SAMD5: variants seen among roughly 807,000 people sequenced by gnomAD.
SAMD5 encodes sterile alpha motif domain containing 5.
A neutral mutation model predicts 11.3 loss-of-function variants in SAMD5; 13 were observed. The observed-to-expected ratio is 1.15, with a 90% confidence interval of 0.75 to 1.83. SAMD5 has a LOEUF of 1.83. Among genes scored for constraint, SAMD5 ranks in the 40% most tolerant of loss-of-function variants. The pLI, the probability that SAMD5 is intolerant of heterozygous loss-of-function variation, is 0.00. For synonymous variants in SAMD5, 129 were observed against 111.3 expected (o/e 1.16, Z -1.00); for missense variants, 255 against 239.1 (o/e 1.07, Z -0.44).
chr6:147,798,103 C>G, the SAMD5 span, among the ~76,000 whole-genome samples: 2 of 146,466 alleles, frequency 1.4e-5, no homozygotes, highest in African/African-American at 5.2e-5. Flanking sequence ...TTCTTGCCTT[C>G]TGCTAGCTTT....
chr6:147,556,776 A>G (rs1788864573), intron 1 of SAMD5, among the ~76,000 whole-genome samples: 1 of 152,252 alleles, frequency 6.6e-6, no homozygotes, highest in African/African-American at 2.4e-5. Context: ...ACTGATATAA[A>G]AACAAAAATA....
intron 1 of SAMD5, among the ~76,000 whole-genome samples, chr6:147,631,424 C>A: frequency 6.6e-6 from 1 of 152,072 alleles, no homozygotes; most frequent in South Asian, 2.1e-4. Flanking sequence ...GGAGGCTGAG[C>A]TTGGTGAGGT....
intron 1 of SAMD5, among the ~76,000 whole-genome samples, chr6:147,525,224 G>A (rs1355419546): frequency 6.7e-6 from 1 of 149,396 alleles, no homozygotes; most frequent in Non-Finnish European, 1.5e-5. Context: ...CAATCAGTAG[G>A]GTTTACATTG....
At chr6:147,737,752 A>G (rs77992238), downstream of SAMD5, among the ~76,000 whole-genome samples, 930 of 125,560 alleles carry the variant, frequency 7.4e-3, 11 homozygotes, top group African/African-American at 0.027. Context: ...TCTCCCAACC[A>G]GCCTCTCCCA....
chr6:147,719,007 C>G (rs2128459075), intron 1 of SAMD5, among the ~76,000 whole-genome samples: 1 of 152,286 alleles, frequency 6.6e-6, no homozygotes, highest in Non-Finnish European at 1.5e-5. Context: ...TCTCTTTTAA[C>G]AATGTAAATT....
In SAMD5 at chr6:147,620,092, G is replaced by GT. The variant is rs578165422; in HGVS notation, c.162+110705_162+110706insT. 6.8e-4 allele frequency among the ~76,000 whole-genome samples: 104 copies of GT among 152,326 alleles called. 1 individual carries two copies. The East Asian group carries it at 0.02, about 29-fold the overall frequency. On this transcript the variant is annotated intron_variant, in intron 1 of 1. Coordinates refer to the SAMD5 transcript ENST00000566741. Reference sequence around the variant, plus strand: ...AGCCACGTGTAGCCCTTGTGGGAATGAGCAATGACACTGTTCTTGGCATCA... The same window carrying GT: ...AGCCACGTGTAGCCCTTGTGGGAATGTAGCAATGACACTGTTCTTGGCATCA...
intron 1 of SAMD5, among the ~76,000 whole-genome samples, chr6:147,725,247 C>T (rs1253464566): frequency 1.3e-5 from 2 of 152,082 alleles, no homozygotes; most frequent in Non-Finnish European, 2.9e-5. Context: ...CTTGAAGGCC[C>T]AATGCAGACT....
At chr6:147,885,941 T>C in the SAMD5 span, among the ~76,000 whole-genome samples, 1 of 152,230 alleles carries the variant, frequency 6.6e-6, no homozygotes, top group African/African-American at 2.4e-5. Context: ...TTCTATATTA[T>C]ACAAATAGTT....
intron 1 of SAMD5, among the ~76,000 whole-genome samples, chr6:147,562,401 A>G (rs1788965431): frequency 6.6e-6 from 1 of 152,192 alleles, no homozygotes; most frequent in Non-Finnish European, 1.5e-5. Context: ...AGTGACCCCT[A>G]ACACTATAAC....
Position 147,564,988 on chromosome 6 carries a change from G to T in SAMD5, c.*532G>T. 1.2e-6 allele frequency: 1 copy of T among 856,760 alleles called. No individual in the cohort carries two copies. Among genetic ancestry groups the T allele is most frequent in the Non-Finnish European group, 1.4e-6 (1 of 713,838 alleles). The allele number at this position is 856,760 out of a possible 1,614,324, so 53.1% of individuals were successfully genotyped here. On this transcript the variant is annotated 3_prime_UTR_variant, in exon 2 of 2. Coordinates refer to ENST00000367474, the MANE Select transcript of SAMD5 (RefSeq NM_001030060.3). ...ACATAATTCTATGTAGAATAGTTTGGTGAAGGAATTCTTATTTTAAGGTGC... is the reference window on the plus strand; with the variant it reads ...ACATAATTCTATGTAGAATAGTTTGTTGAAGGAATTCTTATTTTAAGGTGC...
chr6:147,927,525 C>T, the SAMD5 span, among the ~76,000 whole-genome samples: 1 of 152,170 alleles, frequency 6.6e-6, no homozygotes, highest in Non-Finnish European at 1.5e-5. Flanking sequence ...TATACTGAAA[C>T]TCTGCTGAAA....
chr6:147,855,606 G>T, the SAMD5 span, among the ~76,000 whole-genome samples: 1 of 152,120 alleles, frequency 6.6e-6, no homozygotes, highest in African/African-American at 2.4e-5. Context: ...TTCAAAGTTT[G>T]TTCCAACTCT....
chr6:147,662,724 G>A (rs1015619676), intron 1 of SAMD5, among the ~76,000 whole-genome samples: 10 of 152,116 alleles, frequency 6.6e-5, no homozygotes, highest in African/African-American at 2.4e-4. Flanking sequence ...TCCTAGAACA[G>A]TAATTCCAGA....
At chr6:147,664,652 G>A (rs6933566) in intron 1 of SAMD5, among the ~76,000 whole-genome samples, 5,226 of 152,072 alleles carry the variant, frequency 0.034, 294 homozygotes, top group African/African-American at 0.12. Flanking sequence ...ACTGAATACC[G>A]TATGTAAATT....
chr6:147,792,035 T>C, the SAMD5 span, among the ~76,000 whole-genome samples: 3 of 152,126 alleles, frequency 2.0e-5, no homozygotes, highest in East Asian at 1.9e-4. Flanking sequence ...TAGAACCTTA[T>C]AGTACAAAGA....
chr6:147,893,980 T>G, the SAMD5 span, among the ~76,000 whole-genome samples: 1 of 152,172 alleles, frequency 6.6e-6, no homozygotes, highest in Admixed American at 6.5e-5. Flanking sequence ...CATGCAAGAT[T>G]CTTCCAAAGC....
chr6:147,657,815 T>C (rs1375046590), intron 1 of SAMD5, among the ~76,000 whole-genome samples: 5 of 152,176 alleles, frequency 3.3e-5, no homozygotes, highest in South Asian at 2.1e-4. Flanking sequence ...TCCACTCTTA[T>C]GCCCTAATCA....
chr6:147,879,996 G>C, the SAMD5 span, among the ~76,000 whole-genome samples: 1 of 152,080 alleles, frequency 6.6e-6, no homozygotes, highest in South Asian at 2.1e-4. Context: ...TAACTCTTAA[G>C]CAAAATAATG....
At chr6:147,915,665 C>T in the SAMD5 span, among the ~76,000 whole-genome samples, 6 of 152,258 alleles carry the variant, frequency 3.9e-5, no homozygotes, top group South Asian at 4.1e-4. Flanking sequence ...CTTAGGTTAT[C>T]GTTACATCAA....
Sources: allele counts gnomAD v4.1 joint callset (sites outside exome capture counted in the v4.1 genomes callset), GRCh38; gene constraint gnomAD v4.1.1; transcripts MANE v1.5; gene names NCBI Gene and HGNC (gene_info 2026-07-23, HGNC 2026-07-21).